Variants in DNM3 observed in about 807,000 individuals in gnomAD.
The protein encoded by DNM3 is dynamin-3.
In DNM3, 47 loss-of-function variants were observed where a neutral mutation model predicts 101.6. The observed-to-expected ratio is 0.46, with a 90% CI of 0.37 to 0.59. DNM3 has a LOEUF of 0.59. DNM3 is among the 20% of genes least tolerant of loss of function. The pLI, the probability that DNM3 is intolerant of heterozygous loss-of-function variation, is 0.00. For synonymous variants in DNM3, 385 were observed against 387.9 expected, an observed-to-expected ratio of 0.99 and a Z score of 0.09; for missense variants, 849 against 1,085.7, an observed-to-expected ratio of 0.78 and a Z score of 3.06.
At chr1:171,921,639 A>G in intron 1 of DNM3, 109 bp from the exon 2 acceptor site, 1 of 842,772 alleles carries the variant, frequency 1.2e-6, no homozygotes, top group Admixed American at 2.1e-5. Context: ...TGGATAAGCG[A>G]TACATTGAAA....
intron 13 of DNM3, among the ~76,000 whole-genome samples, chr1:172,099,128 A>G: frequency 6.6e-6 from 1 of 152,230 alleles, no homozygotes; most frequent in East Asian, 1.9e-4. Context: ...TTTTTAAGAG[A>G]GACAGGTTGA....
At chr1:171,900,531 C>T (rs1203407060) in intron 1 of DNM3, among the ~76,000 whole-genome samples, 1 of 152,070 alleles carries the variant, frequency 6.6e-6, no homozygotes, top group African/African-American at 2.4e-5. Context: ...TAAATTTTCA[C>T]CACTTTTAGG....
rs527382931 is a variant in DNM3, at chr1:172,133,315, A to C, written c.1659+2027A>C. The C allele has an allele frequency of 1.3e-5, 13 of 1,015,124 alleles. No homozygotes were observed. In the African/African-American group the frequency reaches 2.2e-4, roughly 17 times the overall value. The allele number at this position is 1,015,124 out of a possible 1,614,324, so 62.9% of individuals were successfully genotyped here. A position where few individuals can be genotyped will look rare whatever the true frequency, so the allele number is the denominator to read the frequency against. On this transcript the variant is annotated intron_variant, in intron 14 of 20. Transcript: ENST00000627582. ...CCAGACTCAGGATAATTCTTTACAA[A>C]ATCACTGCCCTTGTAGCTTCCTTAT...
chr1:172,364,947 G>A (rs1027460473), intron 17 of DNM3, among the ~76,000 whole-genome samples: 3 of 151,820 alleles, frequency 2.0e-5, no homozygotes, highest in African/African-American at 7.3e-5. Context: ...CTAGTATCAT[G>A]CTTTCTGTAC....
intron 1 of DNM3, among the ~76,000 whole-genome samples, chr1:171,902,517 A>G (rs2038449042): frequency 6.6e-6 from 1 of 152,184 alleles, no homozygotes; most frequent in Non-Finnish European, 1.5e-5. Context: ...CAAAGTAGTG[A>G]CCTGGAATGT....
Position 172,236,616 on chromosome 1 carries a change from G to T in DNM3, c.1660-16957G>T, listed in dbSNP as rs554179779. On this transcript the variant is annotated intron_variant, in intron 14 of 20. Coordinates refer to ENST00000627582, the MANE Select transcript of DNM3 (RefSeq NM_015569.5). ...AGGAGAAGGAGGAGGAAAAGGAAAG[G>T]AAAAGGAGGGGAAGAAGAAGGGGGT... 2.6e-5 allele frequency among the ~76,000 whole-genome samples: 4 copies of T among 152,130 alleles called. No individual in the cohort carries two copies. The East Asian group carries it at 7.7e-4, about 29-fold the overall frequency.
At chr1:172,368,664 A>G (rs1363401395) in intron 17 of DNM3, among the ~76,000 whole-genome samples, 1 of 151,982 alleles carries the variant, frequency 6.6e-6, no homozygotes, top group African/African-American at 2.4e-5. Flanking sequence ...CAAAAGATCA[A>G]GGGAACAAAA....
intron 17 of DNM3, chr1:172,376,623 C>T (rs1039574289): frequency 6.6e-6 from 1 of 152,050 alleles, no homozygotes; most frequent in African/African-American, 2.4e-5. Flanking sequence ...GGGCAGTTTA[C>T]TGCTTCTTTT....
chr1:171,844,497 G>A (rs1407549337), intron 1 of DNM3, among the ~76,000 whole-genome samples: 2 of 152,220 alleles, frequency 1.3e-5, no homozygotes, highest in South Asian at 2.1e-4. Flanking sequence ...TTTATATTGA[G>A]TTTTTTTGGA....
At position 171,987,845 on chromosome 1, in the gene DNM3, C is replaced by T. The variant is rs369476188; in HGVS notation, c.385+40C>T. On this transcript the variant is annotated intron_variant, in intron 3 of 20. Transcript: ENST00000627582. Reference sequence around the variant, plus strand: ...AAAATTCCAAATTCTTCTCCTCAAACATTTATACTACATTAATTAACATAC... The same window carrying T: ...AAAATTCCAAATTCTTCTCCTCAAATATTTATACTACATTAATTAACATAC... The T allele has an allele frequency of 1.3e-5, 20 of 1,496,438 alleles. No homozygotes were observed. The African/African-American group carries it at 2.1e-4, about 16-fold the overall frequency. 92.7% of individuals were successfully genotyped at this position (1,496,438 alleles called of 1,614,324 possible). A position where few individuals can be genotyped will look rare whatever the true frequency, so the allele number is the denominator to read the frequency against.
intron 16 of DNM3, among the ~76,000 whole-genome samples, chr1:172,320,994 A>G (rs551660333): frequency 6.6e-6 from 1 of 152,194 alleles, no homozygotes. Flanking sequence ...TTTTCTTAAG[A>G]GATTAAAAAT....
At chr1:172,014,863 T>C (rs1181748478) in intron 4 of DNM3, among the ~76,000 whole-genome samples, 1 of 152,152 alleles carries the variant, frequency 6.6e-6, no homozygotes, top group Non-Finnish European at 1.5e-5. Flanking sequence ...AAGTTATTGC[T>C]GTACCAGGGT....
At chr1:171,863,745 G>A (rs1441120365) in intron 1 of DNM3, among the ~76,000 whole-genome samples, 6 of 152,098 alleles carry the variant, frequency 3.9e-5, no homozygotes, top group African/African-American at 7.2e-5. Flanking sequence ...TCTCCATAGC[G>A]TTACACATGT....
chr1:172,190,139 T>G (rs543725879), intron 14 of DNM3, among the ~76,000 whole-genome samples: 1 of 152,020 alleles, frequency 6.6e-6, no homozygotes, highest in East Asian at 1.9e-4. Flanking sequence ...TAGGTATATC[T>G]CCTAATGCTA....
At chr1:172,231,849 G>A (rs867410505) in intron 14 of DNM3, among the ~76,000 whole-genome samples, 4 of 152,128 alleles carry the variant, frequency 2.6e-5, no homozygotes, top group Admixed American at 1.3e-4. Context: ...ATCAGTGATG[G>A]AAGATCAAAT....
intron 15 of DNM3, chr1:172,289,528 G>T (rs2148813487): frequency 2.2e-6 from 2 of 929,698 alleles, no homozygotes; most frequent in African/African-American, 3.6e-5. Flanking sequence ...CATTAGAGAA[G>T]AAACTCCTAA....
At chr1:172,371,877 AT>A (rs1014110120) in intron 17 of DNM3, among the ~76,000 whole-genome samples, 45 of 143,238 alleles carry the variant, frequency 3.1e-4, no homozygotes, top group African/African-American at 1.1e-3. Context: ...TTTATTTTTT[AT>A]TTTTTTTACT....
At chr1:172,284,585 A>G (rs1429617371) in intron 15 of DNM3, among the ~76,000 whole-genome samples, 3 of 152,228 alleles carry the variant, frequency 2.0e-5, no homozygotes, top group Non-Finnish European at 4.4e-5. Flanking sequence ...TATCAAACAA[A>G]TAAATCAAGA....
At chr1:172,187,165 G>T (rs1181042781) in intron 14 of DNM3, among the ~76,000 whole-genome samples, 1 of 151,966 alleles carries the variant, frequency 6.6e-6, no homozygotes, top group African/African-American at 2.4e-5. Flanking sequence ...TCTTTTCTTT[G>T]CATGAGAGTC....
Sources: gnomAD v4.1 joint callset for allele counts (sites outside exome capture counted in the v4.1 genomes callset) on GRCh38, gnomAD v4.1.1 for gene constraint, MANE v1.5 for transcripts, NCBI Gene and HGNC (gene_info 2026-07-23, HGNC 2026-07-21) for gene names.